TMEM236: variants seen among roughly 807,000 people sequenced by gnomAD.
TMEM236 encodes family with sequence similarity 23, member A.
Under a neutral mutation model 14.7 loss-of-function variants are expected in TMEM236, and 11 were observed. The ratio of observed to expected loss-of-function variants is 0.75; its 90% CI spans 0.47 to 1.24. TMEM236 has a LOEUF of 1.24. Ranked by LOEUF, TMEM236 falls within the 50% of genes most tolerant of loss-of-function variation. The probability of loss-of-function intolerance (pLI) is 0.00; values close to 1 mark genes in which losing one functional copy is unlikely to be tolerated. For synonymous variants in TMEM236, 182 were observed against 168.6 expected (o/e 1.08, Z -0.62); for missense variants, 464 against 427.3 (o/e 1.09, Z -0.76).
At chr10:17,757,598 C>CAA (rs143988279) in intron 1 of TMEM236, among the ~76,000 whole-genome samples, 51 of 98,678 alleles carry the variant, frequency 5.2e-4, no homozygotes, top group African/African-American at 9.0e-4. Context: ...AACCCTGTCT[C>CAA]AAAAAAAAAA....
At chr10:17,752,582 T>C (rs1837225407) in intron 1 of TMEM236, 30 bp downstream of exon 1, 1 of 1,608,186 alleles carries the variant, frequency 6.2e-7, no homozygotes, top group Admixed American at 1.7e-5. Flanking sequence ...TTTTTTTCTT[T>C]TTGATTTGGA....
At chr10:17,770,700 G>C (rs1837557018) in intron 1 of TMEM236, among the ~76,000 whole-genome samples, 1 of 152,122 alleles carries the variant, frequency 6.6e-6, no homozygotes, top group Non-Finnish European at 1.5e-5. Flanking sequence ...AATTTTCTGT[G>C]TCATAAGATA....
chr10:17,776,747 C>T (rs1244827925), intron 3 of TMEM236, among the ~76,000 whole-genome samples: 3 of 152,016 alleles, frequency 2.0e-5, no homozygotes, highest in African/African-American at 7.3e-5. Flanking sequence ...CCAGCCTGAG[C>T]AACATAGCAA....
chr10:17,754,252 G>T (rs2131737891), intron 1 of TMEM236, among the ~76,000 whole-genome samples: 1 of 152,254 alleles, frequency 6.6e-6, no homozygotes, highest in East Asian at 1.9e-4. Context: ...ATTGCATTTT[G>T]CAGGCTTACG....
rs1837224750 is a variant in TMEM236 at position 17,752,538 on chromosome 10, A to T, written c.243A>T (p.Arg81Ser). The change falls in exon 1 of 4, where the codon AGA (arginine) becomes AGT (serine). Residue 81 changes from arginine (R) to serine (S), a missense_variant. By Grantham distance (110) the Arg-to-Ser change is moderately radical. Transcript: ENST00000377495. ...VILHKKRYIY[R>S]KIKGWRPVLM... ...TGCACAAGAAACGTTATATTTACAG[A>T]AAAATTAAAGGATGGTAAGTAAAAG... 2.5e-6 allele frequency: 4 copies of T among 1,613,812 alleles called. No homozygotes were observed. Among genetic ancestry groups the T allele is most frequent in the Non-Finnish European group, 3.4e-6 (4 of 1,179,744 alleles).
chr10:17,777,837 T>C (rs942083093), intron 3 of TMEM236, among the ~76,000 whole-genome samples: 384 of 152,076 alleles, frequency 2.5e-3, no homozygotes, highest in African/African-American at 8.8e-3. Context: ...CTCCTGGGTT[T>C]AAGCAATTCT....
Position 17,796,648 on chromosome 10 carries a change from A to C in TMEM236, c.*144A>C. The C allele has an allele frequency of 1.5e-6, 1 of 677,530 alleles. No individual in the cohort carries two copies. Among genetic ancestry groups the C allele is most frequent in the South Asian group, 1.9e-5 (1 of 52,302 alleles). The allele number at this position is 677,530 out of a possible 1,614,324, so 42.0% of individuals were successfully genotyped here. A position where few individuals can be genotyped will look rare whatever the true frequency, so the allele number is the denominator to read the frequency against. Reference sequence around the variant, plus strand: ...ATAAGCCATTTTTACTAACTCTAGCATATCAGTTTTTTTTTTTACATATAC... The same window carrying C: ...ATAAGCCATTTTTACTAACTCTAGCCTATCAGTTTTTTTTTTTACATATAC... On this transcript the variant is annotated 3_prime_UTR_variant, in exon 4 of 4. Transcript: ENST00000377495.
At position 17,776,251 on chromosome 10, in the gene TMEM236, T is replaced by A. The variant is rs1378512290; in HGVS notation, c.472+81T>A. On this transcript the variant is annotated intron_variant, in intron 3 of 3. Coordinates refer to ENST00000377495, the MANE Select transcript of TMEM236 (RefSeq NM_001098844.3). ...TCTGCCACTGTGTTATCTGACAACA[T>A]GTTTAATGATACCTTTTCTTAGGGC... 6.2e-6 allele frequency: 8 copies of A among 1,289,386 alleles called. No individual in the cohort carries two copies. The East Asian group carries it at 1.6e-4, about 26-fold the overall frequency. 79.9% of individuals were successfully genotyped at this position (1,289,386 alleles called of 1,614,324 possible). A position where few individuals can be genotyped will look rare whatever the true frequency, so the allele number is the denominator to read the frequency against.
chr10:17,779,385 T>G (rs920467971), intron 3 of TMEM236, among the ~76,000 whole-genome samples: 1 of 152,098 alleles, frequency 6.6e-6, no homozygotes, highest in African/African-American at 2.4e-5. Context: ...TGACCCATCT[T>G]GGTGGGGTAC....
intron 3 of TMEM236, among the ~76,000 whole-genome samples, chr10:17,791,542 C>G (rs1322120962): frequency 1.3e-5 from 2 of 152,138 alleles, no homozygotes; most frequent in African/African-American, 4.8e-5. Flanking sequence ...TGGAAAAGTG[C>G]CTGATACGTA....
chr10:17,764,328 A>G (rs1837425346), intron 1 of TMEM236, among the ~76,000 whole-genome samples: 1 of 152,122 alleles, frequency 6.6e-6, no homozygotes, highest in Non-Finnish European at 1.5e-5. Flanking sequence ...TTGCCAGTTT[A>G]TTATGATGCA....
At chr10:17,786,923 G>A (rs1474619185) in intron 3 of TMEM236, among the ~76,000 whole-genome samples, 1 of 152,172 alleles carries the variant, frequency 6.6e-6, no homozygotes, top group Non-Finnish European at 1.5e-5. Flanking sequence ...TATGAGATCT[G>A]ATGGGTTTAT....
chr10:17,755,107 G>GTT (rs1400481641), intron 1 of TMEM236, among the ~76,000 whole-genome samples: 20 of 137,358 alleles, frequency 1.5e-4, no homozygotes, highest in African/African-American at 1.6e-4. Context: ...CCCGGCTAAT[G>GTT]TTTTTTTTTT....
intron 1 of TMEM236, among the ~76,000 whole-genome samples, chr10:17,753,120 C>A (rs986518817): frequency 6.6e-6 from 1 of 152,086 alleles, no homozygotes; most frequent in African/African-American, 2.4e-5. Context: ...TCCCGAGCTC[C>A]TGACCTCAAA....
In TMEM236 at chr10:17,787,059, T is replaced by C. The variant is rs1837848937; in HGVS notation, c.473-8862T>C. On this transcript the variant is annotated intron_variant, in intron 3 of 3. Coordinates refer to ENST00000377495, the MANE Select transcript of TMEM236 (RefSeq NM_001098844.3). ...GTGGAACTGTAAGTCCAATTAAACC[T>C]CCTTTTCTTCCCAGTCTTGGGTAGG... 5.9e-5 allele frequency among the ~76,000 whole-genome samples: 9 copies of C among 152,308 alleles called. No homozygotes were observed. The South Asian group carries it at 1.9e-3, about 32-fold the overall frequency.
At chr10:17,762,578 T>C (rs1837384167) in intron 1 of TMEM236, among the ~76,000 whole-genome samples, 1 of 42,060 alleles carries the variant, frequency 2.4e-5, no homozygotes, top group Admixed American at 2.6e-4. Context: ...GAATTTCATA[T>C]ATATATATAT....
At chr10:17,768,626 C>T (rs1837514628) in intron 1 of TMEM236, among the ~76,000 whole-genome samples, 1 of 151,940 alleles carries the variant, frequency 6.6e-6, no homozygotes. Context: ...GTCCGGGCTT[C>T]CACAGAACTT....
intron 3 of TMEM236, among the ~76,000 whole-genome samples, chr10:17,784,663 T>G (rs1043974613): frequency 1.3e-5 from 2 of 152,204 alleles, no homozygotes; most frequent in East Asian, 1.9e-4. Flanking sequence ...AAATTAGTGA[T>G]TCCCAGGTGA....
At chr10:17,789,150 G>T (rs1022747125) in intron 3 of TMEM236, among the ~76,000 whole-genome samples, 1 of 152,164 alleles carries the variant, frequency 6.6e-6, no homozygotes, top group Non-Finnish European at 1.5e-5. Flanking sequence ...GGTGTAAGCT[G>T]CCTTCACCTG....
Sources: allele counts gnomAD v4.1 joint callset (sites outside exome capture counted in the v4.1 genomes callset), GRCh38; gene constraint gnomAD v4.1.1; transcripts MANE v1.5; gene names NCBI Gene and HGNC (gene_info 2026-07-23, HGNC 2026-07-21).